Variants in ABHD5 observed in about 807,000 individuals in gnomAD.
ABHD5 encodes the protein abhydrolase domain containing 5, lysophosphatidic acid acyltransferase.
Under a neutral mutation model 44.9 loss-of-function variants are expected in ABHD5, and 30 were observed. That is an observed-to-expected ratio of 0.67 (90% CI 0.50 to 0.91). ABHD5 has a LOEUF of 0.91. Ranked by LOEUF, ABHD5 falls within the 40% of genes least tolerant of loss-of-function variation. ABHD5 has a pLI of 0.00. For missense variants in ABHD5, 399 were observed against 423.4 expected (o/e 0.94, Z 0.50); for synonymous variants, 167 against 147.0 (o/e 1.14, Z -0.99).
chr3:43,719,788 A>G lies in ABHD5; in HGVS notation c.*1256A>G, dbSNP rs2084811477. 1 of 152,374 alleles carries G rather than the reference A, an allele frequency of 6.6e-6. No homozygotes were observed. The highest frequency in any genetic ancestry group is 1.5e-5 in the Non-Finnish European group (1 of 68,032). The allele number at this position is 152,374 out of a possible 1,614,324, so 9.4% of individuals were successfully genotyped here. ...CCAAAAAAATAAATAAAAATTGAAT[A>G]GGATTGTCATCAAGAAGGCATCTTT... On this transcript the variant is annotated 3_prime_UTR_variant, in exon 7 of 7. Transcript: ENST00000644371.
Position 43,733,390 on chromosome 3 carries a change from G to T in ABHD5, c.*30-490G>T, listed in dbSNP as rs3733153. Among the ~76,000 whole-genome samples the T allele has an allele frequency of 1.0e-3, 159 of 152,286 alleles. 2 individuals carry two copies. In the East Asian group the frequency reaches 0.027, roughly 26 times the overall value. On this transcript the variant is annotated intron_variant, in intron 7 of 7. Coordinates refer to the ABHD5 transcript ENST00000454293. ...AGGTGCTCTCATATAATCAATCACTGTTTGTTGAATGAACATGAATTGCTA... is the reference window on the plus strand; with the variant it reads ...AGGTGCTCTCATATAATCAATCACTTTTTGTTGAATGAACATGAATTGCTA...
chr3:43,710,047 CAAAT>C (rs1452370172), intron 3 of ABHD5, among the ~76,000 whole-genome samples: 3 of 151,736 alleles, frequency 2.0e-5, no homozygotes, highest in Non-Finnish European at 4.4e-5. Context: ...CATCTCAAAA[CAAAT>C]AAAAATAAAA....
chr3:43,719,405 T>A lies in ABHD5; in HGVS notation c.*873T>A, dbSNP rs1442099343. 1 of 152,200 alleles carries A rather than the reference T, an allele frequency of 6.6e-6. No individual in the cohort carries two copies. Among genetic ancestry groups the A allele is most frequent in the Non-Finnish European group, 1.5e-5 (1 of 68,026 alleles). The allele number at this position is 152,200 out of a possible 1,614,324, so 9.4% of individuals were successfully genotyped here. A position where few individuals can be genotyped will look rare whatever the true frequency, so the allele number is the denominator to read the frequency against. ...CTTAAGGGGATATTAAGACTGTTACTTCCTAGTAAGCCAAGTAATACCATA... is the reference window on the plus strand; with the variant it reads ...CTTAAGGGGATATTAAGACTGTTACATCCTAGTAAGCCAAGTAATACCATA... On this transcript the variant is annotated 3_prime_UTR_variant, in exon 7 of 7. Coordinates refer to ENST00000644371, the MANE Select transcript of ABHD5 (RefSeq NM_016006.6).
rs1156491889 is a variant in ABHD5 at position 43,715,113 on chromosome 3, GTGTGTGTT to G, written c.773+63_773+70del. 3.5e-6 allele frequency: 4 copies of G among 1,139,680 alleles called. No homozygotes were observed. In the African/African-American group the frequency reaches 4.6e-5, roughly 13 times the overall value. 70.6% of individuals were successfully genotyped at this position (1,139,680 alleles called of 1,614,324 possible). Reference sequence around the variant, plus strand: ...TGTGTGTGTGTGTGTGTGTGTGTGTGTGTGTGTTTGTGTGTGTTTTAGACTATTTTTTT... The same window carrying G: ...TGTGTGTGTGTGTGTGTGTGTGTGTGTGTGTGTGTTTTAGACTATTTTTTT... On this transcript the variant is annotated intron_variant, in intron 5 of 6. Coordinates refer to ENST00000644371, the MANE Select transcript of ABHD5 (RefSeq NM_016006.6).
Position 43,706,799 on chromosome 3 carries a change from A to ATT in ABHD5, c.506+4218_506+4219dup, listed in dbSNP as rs1473657810. Among the ~76,000 whole-genome samples the ATT allele has an allele frequency of 1.1e-4, 17 of 152,076 alleles. No individual in the cohort carries two copies. In the East Asian group the frequency reaches 3.1e-3, roughly 28 times the overall value. ...CTCAGGTGTTGCAAATATAATCTTT[A>ATT]TTTTTTTCTTTTAAGTAAAATGACA... On this transcript the variant is annotated intron_variant, in intron 3 of 6. Transcript: ENST00000644371.
intron 1 of ABHD5, among the ~76,000 whole-genome samples, chr3:43,692,746 TTGGAACCCTTTG>T (rs1297679367): frequency 6.6e-6 from 1 of 152,162 alleles, no homozygotes. Flanking sequence ...CAGGGCTGGA[TTGGAACCCTTTG>T]TGGAACCCTT....
At chr3:43,732,401 G>A (rs1379145359) in intron 7 of ABHD5, among the ~76,000 whole-genome samples, 1 of 152,096 alleles carries the variant, frequency 6.6e-6, no homozygotes, top group Non-Finnish European at 1.5e-5. Flanking sequence ...CTGCACTCCA[G>A]CCTGAGTGAG....
chr3:43,715,736 T>C (rs2149605190), intron 5 of ABHD5, among the ~76,000 whole-genome samples: 1 of 152,268 alleles, frequency 6.6e-6, no homozygotes, highest in South Asian at 2.1e-4. Flanking sequence ...TAAAGAAGTA[T>C]TTCCCAAACT....
chr3:43,706,341 G>A lies in ABHD5; in HGVS notation c.506+3754G>A, dbSNP rs561769750. On this transcript the variant is annotated intron_variant, in intron 3 of 6. Coordinates refer to ENST00000644371, the MANE Select transcript of ABHD5 (RefSeq NM_016006.6). ...AGTTTCAGAAAGACTTTTGGTGGGC[G>A]TGGGGGGAGCGGTAAGAGGAGGGAA... 6.6e-5 allele frequency among the ~76,000 whole-genome samples: 10 copies of A among 152,276 alleles called. No individual in the cohort carries two copies. The East Asian group carries it at 1.5e-3, about 24-fold the overall frequency.
At chr3:43,696,562 G>T (rs1257282268) in intron 1 of ABHD5, among the ~76,000 whole-genome samples, 1 of 152,178 alleles carries the variant, frequency 6.6e-6, no homozygotes, top group East Asian at 1.9e-4. Flanking sequence ...AGTTGGATGG[G>T]TAAGTTTTAA....
intron 1 of ABHD5, among the ~76,000 whole-genome samples, chr3:43,697,652 A>G (rs1256847280): frequency 6.6e-6 from 1 of 152,210 alleles, no homozygotes; most frequent in East Asian, 1.9e-4. Flanking sequence ...ATGTAATCAT[A>G]TGAAATTTTG....
At chr3:43,710,854 A>G (rs1395383251) in intron 3 of ABHD5, among the ~76,000 whole-genome samples, 1 of 152,176 alleles carries the variant, frequency 6.6e-6, no homozygotes, top group Non-Finnish European at 1.5e-5. Context: ...TTTGTTTGGA[A>G]TCTTTATGAT....
At chr3:43,697,519 T>G (rs1257513519) in intron 1 of ABHD5, among the ~76,000 whole-genome samples, 1 of 152,298 alleles carries the variant, frequency 6.6e-6, no homozygotes, top group South Asian at 2.1e-4. Context: ...AGCTTCACCT[T>G]TAACCTCTAA....
At chr3:43,712,606 C>T (rs1416907669) in intron 4 of ABHD5, among the ~76,000 whole-genome samples, 1 of 152,088 alleles carries the variant, frequency 6.6e-6, no homozygotes, top group Non-Finnish European at 1.5e-5. Flanking sequence ...TAACTGAATA[C>T]CCAAGAGGCT....
intron 3 of ABHD5, among the ~76,000 whole-genome samples, chr3:43,708,305 A>C (rs2084647849): frequency 6.6e-6 from 1 of 152,200 alleles, no homozygotes; most frequent in South Asian, 2.1e-4. Context: ...CCTAGATGTG[A>C]ACTAACAATC....
Position 43,717,849 on chromosome 3 carries a change from A to C in ABHD5, c.952A>C (p.Lys318Gln). Residue 318 changes from lysine (K) to glutamine (Q), a missense_variant, in exon 6 of 7, where the codon AAG (lysine) becomes CAG (glutamine). Coordinates refer to ENST00000644371, the MANE Select transcript of ABHD5 (RefSeq NM_016006.6). ...IQSLRPHSYVKTIAILGAGHY... is the reference protein window; with the variant it reads ...IQSLRPHSYVQTIAILGAGHY... ...GTCCTTACGACCACATTCATATGTG[A>C]AGACAATAGTAAGTGTGTGGCTTGA... 6.2e-7 allele frequency: 1 copy of C among 1,614,174 alleles called. No individual in the cohort carries two copies.
In ABHD5 at chr3:43,717,783, G is replaced by A. The variant is rs140627711; in HGVS notation, c.886G>A (p.Ala296Thr). The A allele has an allele frequency of 1.6e-5, 26 of 1,614,070 alleles. No homozygotes were observed. In the African/African-American group the frequency reaches 1.7e-4, roughly 11 times the overall value. The change falls in exon 6 of 7, where the codon GCC (alanine) becomes ACC (threonine). Residue 296 changes from alanine to threonine, a missense_variant. By Grantham distance (58) the Ala-to-Thr change is moderately conservative. Transcript: ENST00000644371. ...PDIPVSVIFGARSCIDGNSGT... is the reference protein window; with the variant it reads ...PDIPVSVIFGTRSCIDGNSGT... ...CATTCCAGTTTCAGTGATCTTTGGC[G>A]CCCGATCCTGCATAGATGGCAATTC...
At chr3:43,704,142 C>T (rs933796090) in intron 3 of ABHD5, among the ~76,000 whole-genome samples, 1 of 147,876 alleles carries the variant, frequency 6.8e-6, no homozygotes, top group Admixed American at 7.0e-5. Flanking sequence ...CAGGTTCAAG[C>T]AATTCTCCTG....
intron 1 of ABHD5, among the ~76,000 whole-genome samples, chr3:43,692,351 C>A (rs1445974913): frequency 1.3e-5 from 2 of 152,176 alleles, no homozygotes; most frequent in Non-Finnish European, 2.9e-5. Flanking sequence ...CAAGTAGGAA[C>A]GTAATTGGTA....
Sources: gnomAD v4.1 joint callset for allele counts (sites outside exome capture counted in the v4.1 genomes callset) on GRCh38, gnomAD v4.1.1 for gene constraint, MANE v1.5 for transcripts, NCBI Gene and HGNC (gene_info 2026-07-23, HGNC 2026-07-21) for gene names.